DCAF6: variants seen among roughly 807,000 people sequenced by gnomAD.
DCAF6 encodes the protein DDB1- and CUL4-associated factor 6.
In DCAF6, 54 loss-of-function variants were observed where a neutral mutation model predicts 125.1. That is an observed-to-expected ratio of 0.43 (90% CI 0.35 to 0.54). The LOEUF (loss-of-function observed/expected upper bound fraction) is 0.54. Ranked by LOEUF, DCAF6 falls within the 20% of genes least tolerant of loss-of-function variation. The probability of loss-of-function intolerance (pLI) is 0.01; values close to 1 mark genes in which losing one functional copy is unlikely to be tolerated. For missense variants in DCAF6, 934 were observed against 1,161.7 expected (o/e 0.80, Z 2.85); for synonymous variants, 371 against 390.4 (o/e 0.95, Z 0.58).
the DCAF6 span, chr1:167,901,764 G>A: frequency 6.2e-7 from 1 of 1,614,172 alleles, no homozygotes; most frequent in Non-Finnish European, 8.5e-7. Flanking sequence ...ATGTTTTTCA[G>A]CTGCTTTCGC....
chr1:167,894,059 T>C, the DCAF6 span: 1 of 731,010 alleles, frequency 1.4e-6, no homozygotes, highest in East Asian at 2.8e-5. Context: ...TCCTTACAGT[T>C]GTCAGGAGAC....
At chr1:167,967,119 G>C (rs1229584485) in intron 3 of DCAF6, among the ~76,000 whole-genome samples, 2 of 152,106 alleles carry the variant, frequency 1.3e-5, no homozygotes, top group Non-Finnish European at 2.9e-5. Context: ...GTTAAGAATA[G>C]TGTGGGTAAA....
At chr1:167,944,718 GAAT>G (rs1672799978) in intron 1 of DCAF6, among the ~76,000 whole-genome samples, 1 of 152,124 alleles carries the variant, frequency 6.6e-6, no homozygotes, top group Non-Finnish European at 1.5e-5. Context: ...CCTGTTGGAT[GAAT>G]AATTTGCAGA....
the DCAF6 span, among the ~76,000 whole-genome samples, chr1:167,900,499 CTTTGA>C: frequency 6.6e-6 from 1 of 151,822 alleles, no homozygotes; most frequent in Non-Finnish European, 1.5e-5. Context: ...ATTATAATAA[CTTTGA>C]TTTTTTTTTC....
At chr1:167,872,031 T>A in the DCAF6 span, among the ~76,000 whole-genome samples, 2 of 151,768 alleles carry the variant, frequency 1.3e-5, no homozygotes, top group Non-Finnish European at 2.9e-5. Flanking sequence ...TAATAAAAAA[T>A]AAATAAATAA....
chr1:167,926,222 T>C, the DCAF6 span, among the ~76,000 whole-genome samples: 1 of 152,228 alleles, frequency 6.6e-6, no homozygotes, highest in Non-Finnish European at 1.5e-5. Flanking sequence ...CTAAAAACAG[T>C]GCTGAAACAG....
chr1:167,902,726 A>G, the DCAF6 span, among the ~76,000 whole-genome samples: 2 of 152,242 alleles, frequency 1.3e-5, no homozygotes, highest in African/African-American at 4.8e-5. Context: ...ACACTAGGCC[A>G]GGAGTTCACC....
intron 14 of DCAF6, 111 bp downstream of exon 14, chr1:168,043,251 T>C: frequency 1.2e-6 from 1 of 833,080 alleles, no homozygotes; most frequent in South Asian, 1.6e-5. Flanking sequence ...TAAATTACTT[T>C]TGCTTCTATA....
intron 13 of DCAF6, 90 bp downstream of exon 13, chr1:168,038,578 T>G: frequency 1.0e-6 from 1 of 955,258 alleles, no homozygotes; most frequent in Non-Finnish European, 1.6e-6. Context: ...CTTTATGTTT[T>G]GTTTTGCTAT....
chr1:167,986,181 G>A (rs1256013963), intron 4 of DCAF6, among the ~76,000 whole-genome samples: 1 of 152,146 alleles, frequency 6.6e-6, no homozygotes, highest in Non-Finnish European at 1.5e-5. Flanking sequence ...GAACATTCTA[G>A]TGCATGTTTT....
the DCAF6 span, among the ~76,000 whole-genome samples, chr1:167,873,160 T>C: frequency 6.6e-6 from 1 of 152,158 alleles, no homozygotes; most frequent in South Asian, 2.1e-4. Context: ...GTTAGGATTC[T>C]GTTGCTGTCA....
At chr1:167,936,584 A>C (rs1353787340), upstream of DCAF6, 2 of 305,056 alleles carry the variant, frequency 6.6e-6, no homozygotes, top group Non-Finnish European at 1.2e-5. Flanking sequence ...GTTGGCGGGG[A>C]GGGTATCCAG....
chr1:167,870,248 G>T, the DCAF6 span: 2 of 1,613,874 alleles, frequency 1.2e-6, no homozygotes, highest in African/African-American at 1.3e-5. Flanking sequence ...ATCATTCCAA[G>T]ACACTCACCT....
chr1:168,030,682 T>G lies in DCAF6; in HGVS notation c.1609+7635T>G, dbSNP rs532720827. The stretch of plus-strand genomic sequence containing the variant: ...ACAGGGATTGAGGAGGAATCCAGAG[T>G]ATAAGTTGCAGTAACAACTTCAGAA... On this transcript the variant is annotated intron_variant, in intron 12 of 21. Transcript: ENST00000367840. 4.6e-5 allele frequency among the ~76,000 whole-genome samples: 7 copies of G among 152,346 alleles called. 1 individual carries two copies. The South Asian group carries it at 1.4e-3, about 32-fold the overall frequency.
chr1:167,899,636 G>C, the DCAF6 span: 17 of 1,613,298 alleles, frequency 1.1e-5, no homozygotes, highest in Middle Eastern at 3.5e-4. Context: ...GTCCTGGCAA[G>C]AAGGCAAGGA....
At position 168,044,578 on chromosome 1, in the gene DCAF6, C is replaced by CT. The variant is rs1688931839; in HGVS notation, c.1844-5dup. On this transcript the variant is annotated splice_region_variant and splice_polypyrimidine_tract_variant and intron_variant, in intron 14 of 21. Transcript: ENST00000367840. ...CAAGGGATGACTGTAATTTGGTTTA[C>CT]TTACAGAAGCTCCTGAAGAATCATC... 2 of 1,605,070 alleles carry CT rather than the reference C, an allele frequency of 1.2e-6. No individual in the cohort carries two copies. Among genetic ancestry groups the CT allele is most frequent in the Admixed American group, 1.7e-5 (1 of 59,828 alleles).
chr1:168,008,220 C>T (rs990268441), intron 10 of DCAF6, among the ~76,000 whole-genome samples: 1 of 151,982 alleles, frequency 6.6e-6, no homozygotes, highest in African/African-American at 2.4e-5. Flanking sequence ...CCATCCGCCT[C>T]GGCCTCCCAA....
chr1:167,960,290 A>ATTATTTAT (rs781445000), intron 2 of DCAF6, among the ~76,000 whole-genome samples: 2 of 151,232 alleles, frequency 1.3e-5, no homozygotes, highest in African/African-American at 4.9e-5. Flanking sequence ...AATTTTTATT[A>ATTATTTAT]TTATTTATTT....
intron 4 of DCAF6, among the ~76,000 whole-genome samples, chr1:167,980,922 T>C (rs1385810777): frequency 3.4e-5 from 5 of 148,794 alleles, no homozygotes; most frequent in East Asian, 1.9e-4. Context: ...TTTTCTTTTT[T>C]TTTTTTTTTT....
Sources: gnomAD v4.1 joint callset for allele counts (sites outside exome capture counted in the v4.1 genomes callset) on GRCh38, gnomAD v4.1.1 for gene constraint, MANE v1.5 for transcripts, NCBI Gene and HGNC (gene_info 2026-07-23, HGNC 2026-07-21) for gene names.